The following DUSP22 variants were observed in gnomAD, a reference collection of about 807,000 sequenced individuals.
DUSP22 encodes dual specificity phosphatase 22.
DUSP22 carries 24 observed loss-of-function variants against 24.5 expected under a neutral mutation model. The observed-to-expected ratio is 0.98, with a 90% CI of 0.71 to 1.38. The LOEUF (loss-of-function observed/expected upper bound fraction) is 1.38, where lower values mean the gene tolerates loss of function less well. DUSP22 is among the 40% of genes most tolerant of loss of function. The pLI, the probability that DUSP22 is intolerant of heterozygous loss-of-function variation, is 0.00. For missense variants in DUSP22, 330 were observed against 269.2 expected, an observed-to-expected ratio of 1.23 and a Z score of -1.58; for synonymous variants, 160 against 106.4, an observed-to-expected ratio of 1.50 and a Z score of -3.10.
intron 4 of DUSP22, among the ~76,000 whole-genome samples, chr6:339,979 G>A (rs1344919158): frequency 6.6e-6 from 1 of 152,304 alleles, no homozygotes; most frequent in African/African-American, 2.4e-5. Context: ...AGGAGAAAAT[G>A]AGAGCTGAAA....
At chr6:338,706 A>G (rs1759469463) in intron 4 of DUSP22, among the ~76,000 whole-genome samples, 1 of 152,294 alleles carries the variant, frequency 6.6e-6, no homozygotes, top group Admixed American at 6.5e-5. Flanking sequence ...ATTCTGGAAA[A>G]CTATGTTGCT....
chr6:304,482 G>T, intron 1 of DUSP22, 146 bp from the exon 2 acceptor site: 1 of 1,226,010 alleles, frequency 8.2e-7, no homozygotes, highest in South Asian at 1.2e-5. Context: ...TGGGGATGTT[G>T]GGTCACCCGC....
intron 3 of DUSP22, among the ~76,000 whole-genome samples, chr6:323,608 G>A (rs566001564): frequency 3.6e-4 from 55 of 152,392 alleles, no homozygotes; most frequent in East Asian, 9.6e-4. Flanking sequence ...AGGAGAGGAC[G>A]CGGGGAAGTG....
intron 4 of DUSP22, among the ~76,000 whole-genome samples, chr6:344,085 G>A (rs896416473): frequency 6.6e-6 from 1 of 152,308 alleles, no homozygotes; most frequent in Non-Finnish European, 1.5e-5. Context: ...GGACACACAT[G>A]CTGGTTGGGA....
Position 306,840 on chromosome 6 carries a change from T to A in DUSP22, c.55+2179T>A, listed in dbSNP as rs1198528646. Among the ~76,000 whole-genome samples, 3 of 152,422 alleles carry A rather than the reference T, an allele frequency of 2.0e-5. No homozygotes were observed. The East Asian group carries it at 5.8e-4, about 29-fold the overall frequency. On this transcript the variant is annotated intron_variant, in intron 2 of 6. Transcript: ENST00000419235. ...GGTGCAGAACAGGAAGGGGCCAGTG[T>A]GTGTCCTCACATGAGTTACACACCT...
At chr6:337,640 A>T (rs375003232) in intron 4 of DUSP22, among the ~76,000 whole-genome samples, 1 of 152,300 alleles carries the variant, frequency 6.6e-6, no homozygotes, top group Non-Finnish European at 1.5e-5. Flanking sequence ...TAAAATACGT[A>T]TAGATTTAGG....
intron 3 of DUSP22, among the ~76,000 whole-genome samples, chr6:329,316 G>A (rs1759031641): frequency 6.6e-6 from 1 of 152,310 alleles, no homozygotes; most frequent in African/African-American, 2.4e-5. Context: ...TGCGAGGAAT[G>A]AGGAGTTATT....
chr6:330,442 G>A (rs1019413201), intron 3 of DUSP22, among the ~76,000 whole-genome samples: 14 of 152,290 alleles, frequency 9.2e-5, no homozygotes, highest in Non-Finnish European at 1.8e-4. Flanking sequence ...TTCTTACAAC[G>A]CCTCAGAAAG....
At chr6:335,213 G>C (rs200221411) in intron 4 of DUSP22, 50 bp downstream of exon 4, 2 of 1,597,030 alleles carry the variant, frequency 1.3e-6, no homozygotes, top group Admixed American at 3.3e-5. Context: ...AAAATGAATA[G>C]AGGATGGTAA....
rs774420295 is a variant in DUSP22, at chr6:348,112, G to T, written c.273G>T (p.Gly91=). The T allele has an allele frequency of 1.2e-6, 2 of 1,614,228 alleles. No individual in the cohort carries two copies. Among genetic ancestry groups the T allele is most frequent in the African/African-American group, 1.3e-5 (1 of 75,090 alleles). The change falls in exon 6 of 7, where the codon GGG becomes GGT. Residue 91 remains glycine (G), a synonymous_variant. Coordinates refer to ENST00000419235, the MANE Select transcript of DUSP22 (RefSeq NM_001286555.3). ...GESCLVHCLA[G]VSRSVTLVIA... ...TCTCTTGGCCCCGCAGCCTGGCCGG[G>T]GTCTCCAGGAGCGTGACACTGGTGA... is the stretch of plus-strand genomic sequence containing the variant.
At chr6:342,078 C>G (rs1759633804) in intron 4 of DUSP22, among the ~76,000 whole-genome samples, 1 of 152,310 alleles carries the variant, frequency 6.6e-6, no homozygotes, top group Admixed American at 6.5e-5. Context: ...CAGTTGTCAT[C>G]TTTACAAGAC....
chr6:303,479 G>A (rs1186881161), intron 1 of DUSP22, among the ~76,000 whole-genome samples: 3 of 152,306 alleles, frequency 2.0e-5, no homozygotes, highest in African/African-American at 4.8e-5. Context: ...GCAGCCGGTG[G>A]TCAGGAAGAT....
intron 3 of DUSP22, among the ~76,000 whole-genome samples, chr6:330,654 C>G (rs1180417944): frequency 6.6e-6 from 1 of 152,306 alleles, no homozygotes; most frequent in African/African-American, 2.4e-5. Context: ...AAACAGAAAA[C>G]TGAAAAGTAT....
At chr6:299,014 G>C (rs1050162345) in intron 1 of DUSP22, among the ~76,000 whole-genome samples, 1 of 152,302 alleles carries the variant, frequency 6.6e-6, no homozygotes, top group Non-Finnish European at 1.5e-5. Context: ...TGGTCATCTT[G>C]TGGGAGGCCA....
At chr6:313,306 A>G (rs1190127290) in intron 3 of DUSP22, among the ~76,000 whole-genome samples, 1 of 152,302 alleles carries the variant, frequency 6.6e-6, no homozygotes, top group Non-Finnish European at 1.5e-5. Context: ...ACACACTGTC[A>G]TGTGTGCACA....
intron 3 of DUSP22, among the ~76,000 whole-genome samples, chr6:313,634 A>T (rs1758207554): frequency 6.6e-6 from 1 of 152,304 alleles, no homozygotes; most frequent in Non-Finnish European, 1.5e-5. Context: ...TTTTACTTGG[A>T]GACACCCTAT....
Position 311,861 on chromosome 6 carries a change from C to T in DUSP22, c.56-19C>T, listed in dbSNP as rs745673674. On this transcript the variant is annotated intron_variant, in intron 2 of 6. Coordinates refer to ENST00000419235, the MANE Select transcript of DUSP22 (RefSeq NM_001286555.3). ...CTTGCAAAGATATCAAAATGTCCATCCCCTTTCTTCTCTGACAGATGCCAG... is the reference window on the plus strand; with the variant it reads ...CTTGCAAAGATATCAAAATGTCCATTCCCTTTCTTCTCTGACAGATGCCAG... The T allele has an allele frequency of 2.5e-6, 4 of 1,606,168 alleles. No individual in the cohort carries two copies. Among genetic ancestry groups the T allele is most frequent in the South Asian group, 1.1e-5 (1 of 90,468 alleles).
At position 292,506 on chromosome 6, in the gene DUSP22, ACGGC is replaced by A. The variant is rs1334227395; in HGVS notation, c.-30_-27del. ...CATGCCATAGTGCGCCTGCGACCAC[ACGGC>A]CGGGGCGCTAGCGTTCGCCTTCAGC... On this transcript the variant is annotated 5_prime_UTR_variant, in exon 1 of 7. Coordinates refer to ENST00000419235, the MANE Select transcript of DUSP22 (RefSeq NM_001286555.3). 6 of 1,603,672 alleles carry A rather than the reference ACGGC, an allele frequency of 3.7e-6. No homozygotes were observed. The highest frequency in any genetic ancestry group is 4.3e-6 in the Non-Finnish European group (5 of 1,175,354).
intron 3 of DUSP22, among the ~76,000 whole-genome samples, chr6:312,503 TTCC>T (rs1758156010): frequency 6.6e-6 from 1 of 152,302 alleles, no homozygotes; most frequent in Non-Finnish European, 1.5e-5. Context: ...TGTGCACTGA[TTCC>T]AAAAACATCT....
Sources: allele counts gnomAD v4.1 joint callset (sites outside exome capture counted in the v4.1 genomes callset), GRCh38; gene constraint gnomAD v4.1.1; transcripts MANE v1.5; gene names NCBI Gene and HGNC (gene_info 2026-07-23, HGNC 2026-07-21).